Variants in FMR1NB observed in about 807,000 individuals in gnomAD.
FMR1NB encodes the protein FMR1 neighbor, also known as FMR1 neighbor protein.
Under a neutral mutation model 16.8 loss-of-function variants are expected in FMR1NB, and 10 were observed. That is an observed-to-expected ratio of 0.60 (90% CI 0.37 to 1.01). The LOEUF (loss-of-function observed/expected upper bound fraction) is 1.01, where lower values mean the gene tolerates loss of function less well. Among genes scored for constraint, FMR1NB ranks in the 50% least tolerant of loss-of-function variants. The pLI is 0.01. For synonymous variants in FMR1NB, 83 were observed against 79.1 expected, an observed-to-expected ratio of 1.05 and a Z score of -0.26; for missense variants, 205 against 204.8, an observed-to-expected ratio of 1.00 and a Z score of 0.00.
intron 4 of FMR1NB, among the ~76,000 whole-genome samples, chrX:148,022,044 A>T (rs2044682044): frequency 9.0e-6 from 1 of 111,051 alleles, no homozygotes; most frequent in African/African-American, 3.3e-5. Flanking sequence ...AAGAAAAAAA[A>T]TGTCCCACAA....
At chrX:148,020,649 G>A (rs1224918430) in intron 4 of FMR1NB, among the ~76,000 whole-genome samples, 1 of 111,675 alleles carries the variant, frequency 9.0e-6, no homozygotes, top group Non-Finnish European at 1.9e-5. Context: ...GCAGTAGATT[G>A]TCTCCTGGTT....
intron 3 of FMR1NB, 148 bp downstream of exon 3, chrX:148,006,990 G>T: frequency 1.7e-6 from 1 of 572,445 alleles, no homozygotes; most frequent in Non-Finnish European, 2.6e-6. Flanking sequence ...TCCTGAGGTG[G>T]TCATGACTCT....
At chrX:147,985,179 C>T (rs1273964463) in intron 1 of FMR1NB, among the ~76,000 whole-genome samples, 1 of 111,244 alleles carries the variant, frequency 9.0e-6, no homozygotes, top group African/African-American at 3.3e-5. Context: ...CTACTGAACT[C>T]CTAGAATGAG....
At chrX:148,016,128 T>G (rs184644419) in intron 4 of FMR1NB, among the ~76,000 whole-genome samples, 2 of 91,015 alleles carry the variant, frequency 2.2e-5, no homozygotes, top group African/African-American at 8.7e-5. Flanking sequence ...AGCTACTCCT[T>G]CCCTTTCTTG....
At chrX:147,992,288 G>A (rs781966207) in intron 1 of FMR1NB, among the ~76,000 whole-genome samples, 20 of 87,255 alleles carry the variant, frequency 2.3e-4, no homozygotes, top group Non-Finnish European at 4.3e-4. Flanking sequence ...GGGCAGGGGG[G>A]CTGACCCCCC....
rs782285263 is a variant in FMR1NB, at chrX:147,987,013, G to A, written c.277+5334G>A. Among the ~76,000 whole-genome samples, 7 of 110,776 alleles carry A rather than the reference G, an allele frequency of 6.3e-5. No individual in the cohort carries two copies. The South Asian group carries it at 1.6e-3, about 25-fold the overall frequency. On this transcript the variant is annotated intron_variant, in intron 1 of 5. Transcript: ENST00000370467. ...TTATTTCCTTGAGCAATGGTTTGTC[G>A]TTCTCCTTGAAGAGGTCCTTCATGT...
chrX:148,003,324 AGTTCTT>A lies in FMR1NB; in HGVS notation c.397+8_397+13del. The stretch of plus-strand genomic sequence containing the variant: ...CTGAATTTTTTCTTTCCAACAAGTA[AGTTCTT>A]GTTTGATTTTTTTCCCCCTCTAATG... On this transcript the variant is annotated splice_donor_5th_base_variant and intron_variant, in intron 2 of 5. Transcript: ENST00000370467. The A allele has an allele frequency of 8.3e-7, 1 of 1,207,436 alleles. No individual in the cohort carries two copies. The highest frequency in any genetic ancestry group is 1.8e-5 in the South Asian group (1 of 56,394).
chrX:147,997,795 A>G (rs1169846543), intron 1 of FMR1NB, among the ~76,000 whole-genome samples: 14 of 112,201 alleles, frequency 1.2e-4, no homozygotes, highest in African/African-American at 3.9e-4. Context: ...TGGGCAAAGG[A>G]TATGAACAGA....
At chrX:148,008,267 C>G (rs936419221) in intron 3 of FMR1NB, 5 of 152,344 alleles carry the variant, frequency 3.3e-5, no homozygotes, top group Non-Finnish European at 3.8e-5. Context: ...ATGTGCTCCC[C>G]AAGTGCTCTA....
intron 4 of FMR1NB, among the ~76,000 whole-genome samples, chrX:148,023,630 T>C (rs782027941): frequency 1.1e-4 from 12 of 111,838 alleles, no homozygotes; most frequent in African/African-American, 3.9e-4. Context: ...CTCTTCATAA[T>C]ATTGTGTGCA....
At chrX:148,022,751 G>A (rs189550266) in intron 4 of FMR1NB, among the ~76,000 whole-genome samples, 18 of 111,471 alleles carry the variant, frequency 1.6e-4, no homozygotes, top group Admixed American at 3.8e-4. Flanking sequence ...CAAGTCCTCT[G>A]AAACCTAGGT....
In FMR1NB at chrX:147,985,331, T is replaced by G. The variant is rs182065479; in HGVS notation, c.277+3652T>G. On this transcript the variant is annotated intron_variant, in intron 1 of 5. Transcript: ENST00000370467. Reference sequence around the variant, plus strand: ...TTTATTTTTGATTTTATTTTTACTTTAAAAAAAGTTATGGGATACATGTGC... The same window carrying G: ...TTTATTTTTGATTTTATTTTTACTTGAAAAAAAGTTATGGGATACATGTGC... Among the ~76,000 whole-genome samples the G allele has an allele frequency of 3.5e-3, 394 of 111,875 alleles. 1 individual carries two copies. Among genetic ancestry groups the G allele is most frequent in the Non-Finnish European group, 4.7e-3 (252 of 53,191 alleles).
At chrX:148,008,240 T>G (rs2124622552) in intron 3 of FMR1NB, 1 of 133,463 alleles carries the variant, frequency 7.5e-6, no homozygotes, top group South Asian at 2.4e-4. Flanking sequence ...TTTACCAAGT[T>G]AACGGTTCAT....
intron 4 of FMR1NB, among the ~76,000 whole-genome samples, chrX:148,016,254 T>C (rs2044649239): frequency 2.7e-5 from 3 of 110,880 alleles, no homozygotes; most frequent in African/African-American, 9.9e-5. Context: ...TTTTTTCTGA[T>C]GTAAGTATAG....
At chrX:147,997,428 C>A (rs2044547543) in intron 1 of FMR1NB, among the ~76,000 whole-genome samples, 1 of 111,909 alleles carries the variant, frequency 8.9e-6, no homozygotes, top group African/African-American at 3.3e-5. Flanking sequence ...AAATTGGACC[C>A]CTTCCTTATA....
chrX:148,000,002 A>G (rs1230428206), intron 1 of FMR1NB, among the ~76,000 whole-genome samples: 1 of 111,995 alleles, frequency 8.9e-6, no homozygotes, highest in Non-Finnish European at 1.9e-5. Flanking sequence ...ATAAAGATAC[A>G]GAGCATTTGC....
intron 4 of FMR1NB, among the ~76,000 whole-genome samples, chrX:148,015,154 T>C (rs1557190032): frequency 8.9e-6 from 1 of 111,834 alleles, no homozygotes. Context: ...TGAATTTCTA[T>C]GGTATCAGTT....
intron 1 of FMR1NB, among the ~76,000 whole-genome samples, chrX:147,992,749 C>A (rs1429716313): frequency 2.8e-5 from 2 of 71,748 alleles, no homozygotes; most frequent in African/African-American, 1.4e-4. Flanking sequence ...GGGTCTCGGC[C>A]GGGCAGAGGC....
rs185118282 is a variant in FMR1NB, at chrX:148,001,682, G to A, written c.278-1519G>A. On this transcript the variant is annotated intron_variant, in intron 1 of 5. Coordinates refer to ENST00000370467, the MANE Select transcript of FMR1NB (RefSeq NM_152578.3). Reference sequence around the variant, plus strand: ...CAAGAATCACTTGAACCAGGAAGGCGGAGGTTGCAGTGAGCTGAGATTGCG... The same window carrying A: ...CAAGAATCACTTGAACCAGGAAGGCAGAGGTTGCAGTGAGCTGAGATTGCG... 7.3e-5 allele frequency among the ~76,000 whole-genome samples: 8 copies of A among 110,344 alleles called. No individual in the cohort carries two copies. In the East Asian group the frequency reaches 1.4e-3, roughly 19 times the overall value.
Sources: gnomAD v4.1 joint callset for allele counts (sites outside exome capture counted in the v4.1 genomes callset) on GRCh38, gnomAD v4.1.1 for gene constraint, MANE v1.5 for transcripts, NCBI Gene and HGNC (gene_info 2026-07-23, HGNC 2026-07-21) for gene names.